Variants in KLHL1 observed in about 807,000 individuals in gnomAD.
The protein encoded by KLHL1 is kelch like family member 1.
Under a neutral mutation model 77.7 loss-of-function variants are expected in KLHL1, and 47 were observed. The observed-to-expected ratio is 0.60, with a 90% CI of 0.48 to 0.77. KLHL1 has a LOEUF of 0.77. Among genes scored for constraint, KLHL1 ranks in the 30% least tolerant of loss-of-function variants. The probability of loss-of-function intolerance (pLI) is 0.00; values close to 1 mark genes in which losing one functional copy is unlikely to be tolerated. For synonymous variants in KLHL1, 360 were observed against 325.2 expected (o/e 1.11, Z -1.15); for missense variants, 925 against 910.8 (o/e 1.02, Z -0.20).
intron 1 of KLHL1, among the ~76,000 whole-genome samples, chr13:70,062,615 G>A (rs1282288267): frequency 6.6e-6 from 1 of 152,088 alleles, no homozygotes; most frequent in Non-Finnish European, 1.5e-5. Flanking sequence ...ACAATAAAAA[G>A]TGGATACTCA....
rs1566243577 is a variant in KLHL1 at position 69,780,707 on chromosome 13, TATATATATGTATATATATATATATAC to T, written c.1639+16005_1639+16030del. Among the ~76,000 whole-genome samples, 22 of 37,762 alleles carry T rather than the reference TATATATATGTATATATATATATATAC, an allele frequency of 5.8e-4. 2 individuals are homozygous for T. Among genetic ancestry groups the T allele is most frequent in the Admixed American group, 2.0e-3 (9 of 4,394 alleles). The allele number at this position is 37,762 out of a possible 152,430, so 24.8% of individuals were successfully genotyped here. A position where few individuals can be genotyped will look rare whatever the true frequency, so the allele number is the denominator to read the frequency against. ...CTTCATATATATATATATATGTATATATATATATGTATATATATATATATACATATATATATACATATATATATATA... is the reference window on the plus strand; with the variant it reads ...CTTCATATATATATATATATGTATATATATATATATACATATATATATATA... On this transcript the variant is annotated intron_variant, in intron 7 of 10. Transcript: ENST00000377844.
In KLHL1 at chr13:69,820,287, G is replaced by A. The variant is rs142725535; in HGVS notation, c.1414+18689C>T. Among the ~76,000 whole-genome samples, 138 of 152,196 alleles carry A rather than the reference G, an allele frequency of 9.1e-4. 1 individual carries two copies. Among genetic ancestry groups the A allele is most frequent in the Admixed American group, 5.0e-3 (76 of 15,274 alleles). On this transcript the variant is annotated intron_variant, in intron 6 of 10. Transcript: ENST00000377844. The stretch of plus-strand genomic sequence containing the variant: ...TCCCCCATAACAGGGTTCACATATC[G>A]GTTATCATAACGTATTCACTGTGAG...
At chr13:69,892,108 C>T (rs1442115182) in intron 4 of KLHL1, among the ~76,000 whole-genome samples, 1 of 152,038 alleles carries the variant, frequency 6.6e-6, no homozygotes, top group Admixed American at 6.6e-5. Flanking sequence ...ATCTCTTCTG[C>T]CTCCTTGATA....
chr13:70,032,360 T>C (rs913744361), intron 1 of KLHL1, among the ~76,000 whole-genome samples: 2 of 152,208 alleles, frequency 1.3e-5, no homozygotes, highest in Non-Finnish European at 2.9e-5. Context: ...TGTGCTTAAA[T>C]ATCAGCCCTT....
At chr13:70,012,697 T>G (rs917037418) in intron 1 of KLHL1, among the ~76,000 whole-genome samples, 1 of 151,764 alleles carries the variant, frequency 6.6e-6, no homozygotes, top group Admixed American at 6.6e-5. Context: ...GATCACGAGG[T>G]CAGGAGATCG....
chr13:69,743,186 A>G, intron 7 of KLHL1, among the ~76,000 whole-genome samples: 1 of 152,182 alleles, frequency 6.6e-6, no homozygotes, highest in African/African-American at 2.4e-5. Context: ...TAATAAACTT[A>G]ATAAATTTGA....
In KLHL1 at chr13:69,890,101, G is replaced by T. The variant is rs555077796; in HGVS notation, c.1015-7606C>A. Among the ~76,000 whole-genome samples the T allele has an allele frequency of 3.3e-5, 5 of 152,034 alleles. No homozygotes were observed. In the South Asian group the frequency reaches 1.0e-3, roughly 32 times the overall value. ...TTAAGAATTTTACTTTCTAGTGAGG[G>T]GGACAGTATAGTATTATAAAATAAT... On this transcript the variant is annotated intron_variant, in intron 4 of 10. Coordinates refer to ENST00000377844, the MANE Select transcript of KLHL1 (RefSeq NM_020866.3).
At chr13:69,843,249 A>G (rs977380922) in intron 5 of KLHL1, among the ~76,000 whole-genome samples, 1 of 151,724 alleles carries the variant, frequency 6.6e-6, no homozygotes, top group African/African-American at 2.4e-5. Context: ...GTACTTCATA[A>G]ATTTGTACAA....
intron 7 of KLHL1, among the ~76,000 whole-genome samples, chr13:69,795,175 G>A (rs1593839428): frequency 1.3e-5 from 2 of 152,106 alleles, no homozygotes; most frequent in Admixed American, 6.5e-5. Flanking sequence ...TTTTATTGGC[G>A]TGTAAATCAA....
chr13:69,915,681 G>A lies in KLHL1; in HGVS notation c.1014+24359C>T, dbSNP rs1489475493. On this transcript the variant is annotated intron_variant, in intron 4 of 10. Transcript: ENST00000377844. ...GCAATACCATTCAGGACATAGGCAT[G>A]GGCAAGGACTTCATGTCTAAAACAC... is the stretch of plus-strand genomic sequence containing the variant. 4.6e-5 allele frequency among the ~76,000 whole-genome samples: 7 copies of A among 152,108 alleles called. No individual in the cohort carries two copies. The East Asian group carries it at 1.2e-3, about 25-fold the overall frequency.
intron 7 of KLHL1, among the ~76,000 whole-genome samples, chr13:69,793,151 C>A (rs1566260566): frequency 1.3e-5 from 2 of 151,934 alleles, no homozygotes; most frequent in Non-Finnish European, 2.9e-5. Context: ...TTATGCTTTA[C>A]CAATTTCTCC....
chr13:69,975,959 A>G (rs2210445), intron 1 of KLHL1, among the ~76,000 whole-genome samples, 157 bp from the exon 2 acceptor site: 151,472 of 152,220 alleles, frequency 1, 75,368 homozygotes, highest in Middle Eastern at 1. Context: ...AATAAATAAA[A>G]GTCGAATAAT....
chr13:70,052,840 G>A (rs963117063), intron 1 of KLHL1, among the ~76,000 whole-genome samples: 1 of 151,804 alleles, frequency 6.6e-6, no homozygotes, highest in African/African-American at 2.4e-5. Context: ...GAGAATATAA[G>A]AAGATAAATT....
chr13:70,018,892 G>T (rs1284120134), intron 1 of KLHL1, among the ~76,000 whole-genome samples: 4 of 152,176 alleles, frequency 2.6e-5, no homozygotes, highest in Non-Finnish European at 1.5e-5. Context: ...AAAAGGACAG[G>T]AGGAAACAGA....
chr13:69,922,878 T>G (rs1167078472), intron 4 of KLHL1, among the ~76,000 whole-genome samples: 1 of 152,198 alleles, frequency 6.6e-6, no homozygotes, highest in African/African-American at 2.4e-5. Context: ...TACTAGAGTT[T>G]TATTCCTTAT....
intron 6 of KLHL1, among the ~76,000 whole-genome samples, chr13:69,807,248 T>C (rs1383221509): frequency 6.6e-6 from 1 of 152,002 alleles, no homozygotes; most frequent in Admixed American, 6.6e-5. Context: ...CTTGGTTGGA[T>C]GGTGCCCTAC....
intron 1 of KLHL1, among the ~76,000 whole-genome samples, chr13:70,044,905 G>A (rs1332219009): frequency 6.6e-6 from 1 of 152,104 alleles, no homozygotes; most frequent in East Asian, 1.9e-4. Flanking sequence ...TGGACTCCTG[G>A]GCTCTGTTTC....
At chr13:69,997,890 C>T (rs1212793611) in intron 1 of KLHL1, among the ~76,000 whole-genome samples, 4 of 151,254 alleles carry the variant, frequency 2.6e-5, no homozygotes, top group Non-Finnish European at 4.4e-5. Flanking sequence ...ATCTTGACTG[C>T]TGAAAATAAT....
intron 6 of KLHL1, among the ~76,000 whole-genome samples, chr13:69,801,439 G>A (rs1458263316): frequency 1.3e-5 from 2 of 152,144 alleles, no homozygotes; most frequent in East Asian, 1.9e-4. Flanking sequence ...TATCCACATT[G>A]TTTTTTCTCT....
Sources: allele counts gnomAD v4.1 joint callset (sites outside exome capture counted in the v4.1 genomes callset), GRCh38; gene constraint gnomAD v4.1.1; transcripts MANE v1.5; gene names NCBI Gene and HGNC (gene_info 2026-07-23, HGNC 2026-07-21).